The following UNC45A variants were observed in gnomAD, a reference collection of about 807,000 sequenced individuals.
UNC45A encodes unc-45 myosin chaperone A.
In UNC45A, 78 loss-of-function variants were observed where a neutral mutation model predicts 103.2. That is an observed-to-expected ratio of 0.76 (90% CI 0.63 to 0.91). UNC45A has a LOEUF of 0.91. Ranked by LOEUF, UNC45A falls within the 40% of genes least tolerant of loss-of-function variation. UNC45A has a pLI of 0.00. For synonymous variants in UNC45A, 495 were observed against 504.6 expected (o/e 0.98, Z 0.25); for missense variants, 1,193 against 1,224.8 (o/e 0.97, Z 0.39).
intron 5 of UNC45A, 97 bp downstream of exon 5, chr15:90,939,920 A>C (rs568085456): frequency 5.1e-6 from 6 of 1,181,534 alleles, no homozygotes. Context: ...CCGCTCCTCC[A>C]ATCGTGCAGC....
At chr15:90,936,746 C>T (rs1046974331) in intron 4 of UNC45A, among the ~76,000 whole-genome samples, 4 of 152,194 alleles carry the variant, frequency 2.6e-5, no homozygotes, top group Non-Finnish European at 5.9e-5. Context: ...TAAATTGGTA[C>T]AGCTCTTTTC....
chr15:90,950,138 G>T lies in UNC45A; in HGVS notation c.2074-16G>T, dbSNP rs923438786. On this transcript the variant is annotated splice_polypyrimidine_tract_variant and intron_variant, in intron 15 of 19. Coordinates refer to ENST00000418476, the MANE Select transcript of UNC45A (RefSeq NM_018671.5). The stretch of plus-strand genomic sequence containing the variant: ...TCCCAGGGATGTCCTGAGCAGTGAC[G>T]GGCTTGTTCCTACAGGCGCTGATCC... 19 of 1,550,408 alleles carry T rather than the reference G, an allele frequency of 1.2e-5. No homozygotes were observed. Among genetic ancestry groups the T allele is most frequent in the Non-Finnish European group, 1.7e-5 (19 of 1,146,656 alleles).
At chr15:90,935,448 C>G in intron 1 of UNC45A, 73 bp downstream of exon 1, 4 of 1,576,876 alleles carry the variant, frequency 2.5e-6, no homozygotes, top group Non-Finnish European at 3.5e-6. Flanking sequence ...TCTCCCCATC[C>G]ATGAGGCTCG....
intron 15 of UNC45A, 111 bp from the exon 16 acceptor site, chr15:90,950,043 A>T: frequency 9.7e-7 from 1 of 1,027,130 alleles, no homozygotes; most frequent in Non-Finnish European, 1.4e-6. Context: ...CAGGGAGTCA[A>T]GCCTGGGGAG....
Position 90,942,896 on chromosome 15 carries a change from T to C in UNC45A, c.857-16T>C, listed in dbSNP as rs750900795. On this transcript the variant is annotated splice_polypyrimidine_tract_variant and intron_variant, in intron 7 of 19. Transcript: ENST00000418476. ...GGCTGCTGTGGAGCCCACTGATGTCTTCTTGTTGTTGCCAGATCCTGCCCG... is the reference window on the plus strand; with the variant it reads ...GGCTGCTGTGGAGCCCACTGATGTCCTCTTGTTGTTGCCAGATCCTGCCCG... 5.6e-6 allele frequency: 9 copies of C among 1,595,406 alleles called. 1 individual carries two copies. In the South Asian group the frequency reaches 1.0e-4, roughly 18 times the overall value.
chr15:90,944,943 A>G lies in UNC45A; in HGVS notation c.1079A>G (p.Glu360Gly). The G allele has an allele frequency of 6.2e-7, 1 of 1,612,522 alleles. No homozygotes were observed. Among genetic ancestry groups the G allele is most frequent in the East Asian group, 2.2e-5 (1 of 44,884 alleles). ...VGGSLQDPPG[E>G]LAVTANSRMS... ...GGCTCTCTACAGGACCCTCCTGGGG[A>G]GCTCGCAGTGACCGCAAACAGCCGC... The change falls in exon 9 of 20, where the codon GAG becomes GGG. Residue 360 changes from glutamate (E) to glycine (G), a missense_variant. By Grantham distance (98) the Glu-to-Gly change is moderately conservative. Coordinates refer to ENST00000418476, the MANE Select transcript of UNC45A (RefSeq NM_018671.5).
chr15:90,934,319 ACCC>A (rs1371242535), upstream of UNC45A: 4 of 397,960 alleles, frequency 1.0e-5, no homozygotes, highest in South Asian at 1.3e-4. Context: ...TGTCTCTAGC[ACCC>A]CCACCTCTCT....
chr15:90,947,933 G>C (rs761667954), intron 11 of UNC45A, 43 bp downstream of exon 11: 2 of 1,562,500 alleles, frequency 1.3e-6, no homozygotes, highest in Non-Finnish European at 1.8e-6. Context: ...CTGTGGGGTA[G>C]ATCTCAAGAC....
Position 90,939,477 on chromosome 15 carries a change from C to T in UNC45A, c.427-254C>T, listed in dbSNP as rs577391065. 2.9e-4 allele frequency among the ~76,000 whole-genome samples: 44 copies of T among 152,294 alleles called. 2 individuals are homozygous for T. Among genetic ancestry groups the T allele is most frequent in the African/African-American group, 9.9e-4 (41 of 41,546 alleles). ...CGTAGCTGACAGGATACCTCCCCTC[C>T]GAAAAGGCACTCCAGCATCGGCGCA... On this transcript the variant is annotated intron_variant, in intron 4 of 19. Coordinates refer to ENST00000418476, the MANE Select transcript of UNC45A (RefSeq NM_018671.5).
chr15:90,946,992 C>T, intron 10 of UNC45A, 78 bp downstream of exon 10: 1 of 1,500,322 alleles, frequency 6.7e-7, no homozygotes, highest in Non-Finnish European at 9.0e-7. Context: ...AGGGTGTGGC[C>T]CCAGCACACT....
chr15:90,932,416 C>T (rs199905818), upstream of UNC45A: 5 of 1,332,758 alleles, frequency 3.8e-6, no homozygotes, highest in Non-Finnish European at 4.8e-6. Flanking sequence ...CGCTCCGCGG[C>T]CGACGCGCCC....
Position 90,948,154 on chromosome 15 carries a change from T to C in UNC45A, c.1608T>C (p.Asn536=), listed in dbSNP as rs2036676191. ...TGCGTGTCCCCAGGTGGCTGTGCAA[T>C]GACCAGATCGACGCAGGCACTCGGC... ...LAKQCRKWLC[N]DQIDAGTRRW... is the part of the protein sequence containing the mutation. Residue 536 remains asparagine (N), a synonymous_variant, in exon 12 of 20, where the codon AAT becomes AAC. Coordinates refer to ENST00000418476, the MANE Select transcript of UNC45A (RefSeq NM_018671.5). 1.2e-6 allele frequency: 2 copies of C among 1,614,094 alleles called. No homozygotes were observed. The highest frequency in any genetic ancestry group is 1.7e-6 in the Non-Finnish European group (2 of 1,180,030).
intron 10 of UNC45A, chr15:90,947,210 A>C: frequency 2.6e-6 from 1 of 382,568 alleles, no homozygotes; most frequent in Non-Finnish European, 4.9e-6. Context: ...AATGAACGAG[A>C]TTCTGGGCTT....
At chr15:90,947,029 T>C in intron 10 of UNC45A, 115 bp downstream of exon 10, 1 of 1,302,494 alleles carries the variant, frequency 7.7e-7, no homozygotes, top group Admixed American at 2.5e-5. Context: ...AATACTGTAA[T>C]GCCAAAAAAA....
At chr15:90,950,441 T>A in intron 16 of UNC45A, 59 bp from the exon 17 acceptor site, 1 of 1,572,490 alleles carries the variant, frequency 6.4e-7, no homozygotes, top group East Asian at 2.3e-5. Flanking sequence ...CCCTGCAGGG[T>A]TGGTGGGGCT....
At position 90,948,698 on chromosome 15, in the gene UNC45A, G is replaced by C; in HGVS notation, c.1782G>C (p.Val594=). 6.2e-7 allele frequency: 1 copy of C among 1,614,026 alleles called. No individual in the cohort carries two copies. Among genetic ancestry groups the C allele is most frequent in the Non-Finnish European group, 8.5e-7 (1 of 1,180,016 alleles). The stretch of plus-strand genomic sequence containing the variant: ...TCTTTGCGGTGGCCTCAGCGCTGGT[G>C]AACTGCACCAACAGCTATGACTACG... ...SVLFAVASAL[V]NCTNSYDYEE... is the part of the protein sequence containing the mutation. Residue 594 remains valine (V), a synonymous_variant, in exon 13 of 20, where the codon GTG becomes GTC. Transcript: ENST00000418476.
Position 90,935,613 on chromosome 15 carries a change from C to T in UNC45A, c.121C>T (p.Leu41=). The T allele has an allele frequency of 6.2e-7, 1 of 1,613,284 alleles. No individual in the cohort carries two copies. The highest frequency in any genetic ancestry group is 8.5e-7 in the Non-Finnish European group (1 of 1,179,704). Residue 41 remains leucine (L), a synonymous_variant, in exon 2 of 20, where the codon CTG becomes TTG. Coordinates refer to ENST00000418476, the MANE Select transcript of UNC45A (RefSeq NM_018671.5). ...LFKCGDYGGA[L]AAYTQALGLD... is the part of the protein sequence containing the mutation. ...CAAATGTGGAGACTACGGGGGCGCC[C>T]TGGCGGCCTACACTCAGGCCCTGGG... is the stretch of plus-strand genomic sequence containing the variant.
In UNC45A at chr15:90,952,954, G is replaced by A. The variant is rs886073344; in HGVS notation, c.2329G>A (p.Val777Met). 8.1e-6 allele frequency: 13 copies of A among 1,613,148 alleles called. No individual in the cohort carries two copies. Among genetic ancestry groups the A allele is most frequent in the Non-Finnish European group, 1.0e-5 (12 of 1,180,044 alleles). ...GCAGAAGATCCTGAAGGAGAAGGCTGTGCCCATGATAGAAGGCTACATGTT... is the reference window on the plus strand; with the variant it reads ...GCAGAAGATCCTGAAGGAGAAGGCTATGCCCATGATAGAAGGCTACATGTT... The part of the protein sequence containing the change: ...LRQKILKEKA[V>M]PMIEGYMFEE... Residue 777 changes from valine to methionine, a missense_variant, in exon 18 of 20, where the codon GTG becomes ATG. Transcript: ENST00000418476.
intron 9 of UNC45A, 43 bp downstream of exon 9, chr15:90,945,106 G>A (rs770664007): frequency 5.6e-6 from 9 of 1,599,732 alleles, no homozygotes; most frequent in African/African-American, 2.7e-5. Context: ...GGATTCTAGC[G>A]AAAAAGTTCT....
Sources: gnomAD v4.1 joint callset for allele counts (sites outside exome capture counted in the v4.1 genomes callset) on GRCh38, gnomAD v4.1.1 for gene constraint, MANE v1.5 for transcripts, NCBI Gene and HGNC (gene_info 2026-07-23, HGNC 2026-07-21) for gene names.